The following INSYN2A variants were observed in gnomAD, a reference collection of about 807,000 sequenced individuals.
The protein encoded by INSYN2A is family with sequence similarity 196 member A.
Under a neutral mutation model 39.4 loss-of-function variants are expected in INSYN2A, and 17 were observed. The ratio of observed to expected loss-of-function variants is 0.43; its 90% confidence interval spans 0.30 to 0.65. The LOEUF (loss-of-function observed/expected upper bound fraction) is 0.65. Ranked by LOEUF, INSYN2A falls within the 30% of genes least tolerant of loss-of-function variation. The pLI is 0.14. For missense variants in INSYN2A, 595 were observed against 631.2 expected (o/e 0.94, Z 0.61); for synonymous variants, 255 against 265.7 (o/e 0.96, Z 0.39).
chr10:127,173,510 TCTCAGGTTCTTCTTTGGGCA>T (rs1312715647), intron 4 of INSYN2A, among the ~76,000 whole-genome samples: 14 of 152,184 alleles, frequency 9.2e-5, no homozygotes, highest in Non-Finnish European at 1.9e-4. Flanking sequence ...TGTTCAGCCC[TCTCAGGTTCTTCTTTGGGCA>T]CACACTCCTG....
chr10:127,176,277 T>G lies in INSYN2A; in HGVS notation c.119A>C (p.Lys40Thr). 6.2e-7 allele frequency: 1 copy of G among 1,614,104 alleles called. No individual in the cohort carries two copies. The highest frequency in any genetic ancestry group is 8.5e-7 in the Non-Finnish European group (1 of 1,180,030). The stretch of plus-strand genomic sequence containing the variant: ...CCGCACCTGCAGGGCTTTGTTCCGT[T>G]TTTTAATCTGCCGGTTGGGGTCCAG... ...YALDPNRQIKKRNKALQVRFK... is the reference protein window; with the variant it reads ...YALDPNRQIKTRNKALQVRFK... The change falls in exon 4 of 6, where the codon AAA (lysine) becomes ACA (threonine). Residue 40 changes from lysine (K) to threonine (T), a missense_variant. By Grantham distance (78) the Lys-to-Thr change is moderately conservative. Transcript: ENST00000522781. This position sits in a 1 kb window ranked among gnomAD's most constrained non-coding sequence, Gnocchi z 4.4.
chr10:127,150,819 A>G (rs1318070247), intron 5 of INSYN2A, among the ~76,000 whole-genome samples: 3 of 152,244 alleles, frequency 2.0e-5, no homozygotes, highest in Non-Finnish European at 4.4e-5. Context: ...TTCTGATCTC[A>G]GATTCTGCCA....
chr10:127,170,345 C>G (rs1186118332), intron 4 of INSYN2A, among the ~76,000 whole-genome samples: 1 of 152,198 alleles, frequency 6.6e-6, no homozygotes, highest in East Asian at 1.9e-4. Flanking sequence ...TCTCCCCCTA[C>G]CCCAAGCCTG....
In INSYN2A at chr10:127,137,170, A is replaced by G. The variant is rs1470226656; in HGVS notation, c.*667T>C. On this transcript the variant is annotated 3_prime_UTR_variant, in exon 6 of 6. Coordinates refer to ENST00000522781, the MANE Select transcript of INSYN2A (RefSeq NM_001039762.3). ...GCTGGCCATTTGGAAAATGAGCAGT[A>G]AACATGTCGTAAGTCTGGAGATGAA... 2 of 152,692 alleles carry G rather than the reference A, an allele frequency of 1.3e-5. No homozygotes were observed. Among genetic ancestry groups the G allele is most frequent in the Non-Finnish European group, 2.9e-5 (2 of 68,066 alleles). The allele number at this position is 152,692 out of a possible 1,614,324, so 9.5% of individuals were successfully genotyped here.
Position 127,140,132 on chromosome 10 carries a change from C to T in INSYN2A, c.1257-2112G>A, listed in dbSNP as rs548186612. 3.9e-5 allele frequency among the ~76,000 whole-genome samples: 6 copies of T among 152,252 alleles called. No individual in the cohort carries two copies. The South Asian group carries it at 6.2e-4, about 16-fold the overall frequency. ...TTGGGTTATTAGAACAGAGAGAAGG[C>T]GCTAGCATCTCCTAGGCTAACAGTA... is the stretch of plus-strand genomic sequence containing the variant. On this transcript the variant is annotated intron_variant, in intron 5 of 5. Coordinates refer to ENST00000522781, the MANE Select transcript of INSYN2A (RefSeq NM_001039762.3).
chr10:127,179,613 T>G (rs902278925), intron 2 of INSYN2A, among the ~76,000 whole-genome samples: 2 of 152,172 alleles, frequency 1.3e-5, no homozygotes, highest in Non-Finnish European at 2.9e-5. Flanking sequence ...ACACATCTTT[T>G]CGGGGTGTTC....
chr10:127,150,326 C>T lies in INSYN2A; in HGVS notation c.1256+3526G>A, dbSNP rs112541837. 5.7e-3 allele frequency among the ~76,000 whole-genome samples: 874 copies of T among 152,068 alleles called. 4 individuals are homozygous for T. The highest frequency in any genetic ancestry group is 9.4e-3 in the Non-Finnish European group (636 of 67,998). On this transcript the variant is annotated intron_variant, in intron 5 of 5. Coordinates refer to ENST00000522781, the MANE Select transcript of INSYN2A (RefSeq NM_001039762.3). ...GCTGCGAGGTCATCCAGCTCAATCC[C>T]CATTGCTCACCCTCCCCTTTCTCTT...
chr10:127,139,620 T>G (rs979458282), intron 5 of INSYN2A, among the ~76,000 whole-genome samples: 12 of 152,204 alleles, frequency 7.9e-5, no homozygotes, highest in African/African-American at 2.9e-4. Context: ...CTGTGCTGCA[T>G]TAATGAAATC....
intron 2 of INSYN2A, among the ~76,000 whole-genome samples, 179 bp from the exon 3 acceptor site, chr10:127,177,318 G>A (rs1174320910): frequency 6.6e-6 from 1 of 152,218 alleles, no homozygotes; most frequent in African/African-American, 2.4e-5. Flanking sequence ...ATTAAATGCA[G>A]CTAAAAAGAT....
At chr10:127,141,905 T>C (rs2051297362) in intron 5 of INSYN2A, among the ~76,000 whole-genome samples, 1 of 152,152 alleles carries the variant, frequency 6.6e-6, no homozygotes, top group African/African-American at 2.4e-5. Context: ...CCTGAAACAT[T>C]TTCTGCAAGA....
intron 4 of INSYN2A, among the ~76,000 whole-genome samples, chr10:127,173,147 G>C (rs540520059): frequency 2.4e-4 from 36 of 152,122 alleles, no homozygotes; most frequent in Non-Finnish European, 5.0e-4. Context: ...TGGCCAGCAA[G>C]ATCAACACTC....
chr10:127,162,637 T>C (rs2053685660), intron 4 of INSYN2A, among the ~76,000 whole-genome samples: 1 of 152,242 alleles, frequency 6.6e-6, no homozygotes, highest in Admixed American at 6.5e-5. Flanking sequence ...CACCTGTACA[T>C]GTAAACTCCA....
chr10:127,149,284 C>T (rs1381863183), intron 5 of INSYN2A, among the ~76,000 whole-genome samples: 1 of 152,180 alleles, frequency 6.6e-6, no homozygotes, highest in East Asian at 1.9e-4. Context: ...AGAAGCTCAG[C>T]CCTAACCTTG....
At chr10:127,187,054 C>A (rs75963577) in intron 2 of INSYN2A, among the ~76,000 whole-genome samples, 2 of 152,194 alleles carry the variant, frequency 1.3e-5, no homozygotes, top group African/African-American at 4.8e-5. Flanking sequence ...CAGAAGGGAA[C>A]GTGACAATTC....
Position 127,137,179 on chromosome 10 carries a change from G to GT in INSYN2A, c.*657dup, listed in dbSNP as rs1564830660. The GT allele has an allele frequency of 6.6e-6, 1 of 152,654 alleles. No homozygotes were observed. Among genetic ancestry groups the GT allele is most frequent in the Admixed American group, 6.5e-5 (1 of 15,284 alleles). 9.5% of individuals were successfully genotyped at this position (152,654 alleles called of 1,614,324 possible). A position where few individuals can be genotyped will look rare whatever the true frequency, so the allele number is the denominator to read the frequency against. ...TTGGAAAATGAGCAGTAAACATGTC[G>GT]TAAGTCTGGAGATGAAGAGGATGCT... On this transcript the variant is annotated 3_prime_UTR_variant, in exon 6 of 6. Transcript: ENST00000522781.
intron 4 of INSYN2A, among the ~76,000 whole-genome samples, chr10:127,170,760 C>T (rs367895933): frequency 6.6e-6 from 1 of 152,128 alleles, no homozygotes; most frequent in African/African-American, 2.4e-5. Context: ...TGTTCTTAGC[C>T]TTCAATGACT....
chr10:127,149,246 C>T (rs950558685), intron 5 of INSYN2A, among the ~76,000 whole-genome samples: 4 of 152,144 alleles, frequency 2.6e-5, no homozygotes, highest in African/African-American at 7.2e-5. Flanking sequence ...GGAGACTGAA[C>T]AGACACCCCA....
intron 4 of INSYN2A, among the ~76,000 whole-genome samples, chr10:127,172,245 G>A (rs2054643259): frequency 6.6e-6 from 1 of 152,180 alleles, no homozygotes; most frequent in Non-Finnish European, 1.5e-5. Flanking sequence ...GGTGCTGAGT[G>A]GAGCAGAGTG....
At chr10:127,173,148 A>T (rs2054740032) in intron 4 of INSYN2A, among the ~76,000 whole-genome samples, 1 of 152,134 alleles carries the variant, frequency 6.6e-6, no homozygotes, top group Non-Finnish European at 1.5e-5. Flanking sequence ...GGCCAGCAAG[A>T]TCAACACTCA....
Sources: allele counts gnomAD v4.1 joint callset (sites outside exome capture counted in the v4.1 genomes callset), GRCh38; gene constraint gnomAD v4.1.1; non-coding constraint Gnocchi (gnomAD v3.1); transcripts MANE v1.5; gene names NCBI Gene and HGNC (gene_info 2026-07-23, HGNC 2026-07-21).